The following ANK3 variants were observed in gnomAD, a reference collection of about 807,000 sequenced individuals.
ANK3 encodes the protein ankyrin-3.
Under a neutral mutation model 370.9 loss-of-function variants are expected in ANK3, and 57 were observed. That is an observed-to-expected ratio of 0.15 (90% confidence interval 0.12 to 0.19). ANK3 has a LOEUF of 0.19. ANK3 is among the 10% of genes least tolerant of loss of function. ANK3 has a pLI of 1.00. For synonymous variants in ANK3, 1,929 were observed against 1,946.3 expected (o/e 0.99, Z 0.23); for missense variants, 4,439 against 5,302.1 (o/e 0.84, Z 5.06).
At chr10:60,709,192 A>G (rs2079663770) in intron 1 of ANK3, among the ~76,000 whole-genome samples, 1 of 152,242 alleles carries the variant, frequency 6.6e-6, no homozygotes, top group Non-Finnish European at 1.5e-5. Flanking sequence ...TGTTGGAATT[A>G]CTAGACTGGA....
chr10:60,321,747 G>T (rs574248981), intron 1 of ANK3, among the ~76,000 whole-genome samples: 2 of 152,240 alleles, frequency 1.3e-5, no homozygotes, highest in African/African-American at 4.8e-5. Flanking sequence ...ACTGACTGCA[G>T]AGCCCATTCT....
chr10:60,143,914 G>A (rs1253649935), intron 23 of ANK3, among the ~76,000 whole-genome samples: 1 of 152,158 alleles, frequency 6.6e-6, no homozygotes, highest in African/African-American at 2.4e-5. Flanking sequence ...GCTCAAGGTA[G>A]CCATATGGAG....
chr10:60,229,411 G>T (rs765194010), intron 8 of ANK3, among the ~76,000 whole-genome samples: 8 of 152,070 alleles, frequency 5.3e-5, no homozygotes, highest in Admixed American at 1.3e-4. Flanking sequence ...TTTATTCAAG[G>T]ATTTATTTTT....
At chr10:60,159,003 G>A (rs1317752142) in intron 23 of ANK3, among the ~76,000 whole-genome samples, 1 of 151,920 alleles carries the variant, frequency 6.6e-6, no homozygotes, top group African/African-American at 2.4e-5. Flanking sequence ...TTTATACAAA[G>A]AAAGACAAGA....
intron 1 of ANK3, among the ~76,000 whole-genome samples, chr10:60,719,683 T>C (rs1217502964): frequency 1.3e-5 from 2 of 152,190 alleles, no homozygotes; most frequent in South Asian, 2.1e-4. Flanking sequence ...TGGTACTTTG[T>C]CCTTTTCTTC....
In ANK3 at chr10:60,036,422, A is replaced by ATTTTTTTTTTTTTTTTTTTTTT. The variant is rs563946588; in HGVS notation, c.*19+6228_*19+6249dup. On this transcript the variant is annotated intron_variant, in intron 43 of 43. Transcript: ENST00000280772. Reference sequence around the variant, plus strand: ...CTGCGGAAGAGAGAGGTCAGAGGCAATTTTTTTTTTTTTTTTTTTTTTTTT... The same window carrying ATTTTTTTTTTTTTTTTTTTTTT: ...CTGCGGAAGAGAGAGGTCAGAGGCAATTTTTTTTTTTTTTTTTTTTTTTTTTTTTTTTTTTTTTTTTTTTTTT... 6.9e-5 allele frequency among the ~76,000 whole-genome samples: 5 copies of ATTTTTTTTTTTTTTTTTTTTTT among 72,292 alleles called. 1 individual carries two copies. The highest frequency in any genetic ancestry group is 3.5e-4 in the African/African-American group (5 of 14,242). 47.4% of individuals were successfully genotyped at this position (72,292 alleles called of 152,430 possible).
rs552717489 is a variant in ANK3, at chr10:60,079,355, T to C, written c.4432+1182A>G. On this transcript the variant is annotated intron_variant, in intron 36 of 43. Transcript: ENST00000280772. The stretch of plus-strand genomic sequence containing the variant: ...TCTTGAATGTGGTAGGTTTCTTTCA[T>C]TTCTCTTATATTCTCCATTTTGTAT... 1.6e-4 allele frequency among the ~76,000 whole-genome samples: 25 copies of C among 152,336 alleles called. 1 individual carries two copies. The highest frequency in any genetic ancestry group is 3.4e-3 in the Middle Eastern group (1 of 294).
At chr10:60,500,749 G>A (rs2075775339) in intron 2 of ANK3, among the ~76,000 whole-genome samples, 1 of 152,148 alleles carries the variant, frequency 6.6e-6, no homozygotes, top group South Asian at 2.1e-4. Flanking sequence ...GCATTTTATA[G>A]CAAGTACTTC....
At chr10:60,183,393 AC>A (rs992413181) in intron 17 of ANK3, among the ~76,000 whole-genome samples, 4 of 152,310 alleles carry the variant, frequency 2.6e-5, no homozygotes, top group African/African-American at 4.8e-5. Context: ...AAAAAATCAA[AC>A]ATTTTTCTTA....
intron 2 of ANK3, among the ~76,000 whole-genome samples, chr10:60,528,020 C>T (rs1301217126): frequency 6.6e-6 from 1 of 151,854 alleles, no homozygotes; most frequent in African/African-American, 2.4e-5. Flanking sequence ...GAACAGTGCT[C>T]ACCAAGATGG....
At chr10:60,230,906 A>C (rs995252961) in intron 8 of ANK3, among the ~76,000 whole-genome samples, 28 of 152,100 alleles carry the variant, frequency 1.8e-4, no homozygotes, top group Non-Finnish European at 3.8e-4. Flanking sequence ...AAAAAAAAAA[A>C]AAAGAAACCT....
chr10:60,474,835 A>T (rs1422917557), intron 2 of ANK3, among the ~76,000 whole-genome samples: 1 of 152,184 alleles, frequency 6.6e-6, no homozygotes, highest in East Asian at 1.9e-4. Context: ...AGAAGAATAT[A>T]TACTACTATG....
chr10:60,337,398 A>G (rs1299136302), intron 1 of ANK3, among the ~76,000 whole-genome samples: 3 of 152,038 alleles, frequency 2.0e-5, no homozygotes, highest in African/African-American at 7.2e-5. Flanking sequence ...ATCCTTATAC[A>G]TGACCCTCTC....
intron 1 of ANK3, among the ~76,000 whole-genome samples, chr10:60,682,481 G>A (rs1431562553): frequency 1.3e-5 from 2 of 151,474 alleles, no homozygotes; most frequent in Admixed American, 6.6e-5. Context: ...CATTGCCCTT[G>A]TTACAGTCTT....
chr10:60,518,958 C>T (rs1324726901), intron 2 of ANK3, among the ~76,000 whole-genome samples: 1 of 152,056 alleles, frequency 6.6e-6, no homozygotes, highest in Non-Finnish European at 1.5e-5. Context: ...GGCTCAGATC[C>T]CAGTCTCCTT....
At chr10:60,289,973 G>A (rs1217155937) in intron 1 of ANK3, among the ~76,000 whole-genome samples, 1 of 152,158 alleles carries the variant, frequency 6.6e-6, no homozygotes, top group Admixed American at 6.5e-5. Context: ...GGGAGCCAAA[G>A]GGTGGATTTT....
intron 23 of ANK3, among the ~76,000 whole-genome samples, chr10:60,141,572 T>TTG (rs1565274704): frequency 1.5e-4 from 3 of 19,764 alleles, no homozygotes; most frequent in South Asian, 2.0e-3. Context: ...TTTTTTTTTT[T>TTG]TTTTTTTTTT....
intron 43 of ANK3, among the ~76,000 whole-genome samples, chr10:60,031,917 C>G (rs191651175): frequency 6.6e-6 from 1 of 152,258 alleles, no homozygotes; most frequent in Non-Finnish European, 1.5e-5. Context: ...TTCAACACCC[C>G]TCCCCTGTGA....
chr10:60,522,628 T>G (rs2076374399), intron 2 of ANK3, among the ~76,000 whole-genome samples: 1 of 152,048 alleles, frequency 6.6e-6, no homozygotes, highest in Non-Finnish European at 1.5e-5. Flanking sequence ...TGCTACGTAC[T>G]TGTCTAGGAG....
Sources: gnomAD v4.1 joint callset for allele counts (sites outside exome capture counted in the v4.1 genomes callset) on GRCh38, gnomAD v4.1.1 for gene constraint, MANE v1.5 for transcripts, NCBI Gene and HGNC (gene_info 2026-07-23, HGNC 2026-07-21) for gene names.